The following SIGIRR variants were observed in gnomAD, a reference collection of about 807,000 sequenced individuals.
SIGIRR encodes the protein single Ig IL-1-related receptor.
SIGIRR carries 41 observed loss-of-function variants against 45.6 expected under a neutral mutation model. The ratio of observed to expected loss-of-function variants is 0.90; its 90% CI spans 0.70 to 1.17. The LOEUF is 1.17. Among genes scored for constraint, SIGIRR ranks in the 50% most tolerant of loss-of-function variants. The probability of loss-of-function intolerance (pLI) is 0.00; values close to 1 mark genes in which losing one functional copy is unlikely to be tolerated. For missense variants in SIGIRR, 599 were observed against 539.6 expected, an observed-to-expected ratio of 1.11 and a Z score of -1.09; for synonymous variants, 298 against 239.0, an observed-to-expected ratio of 1.25 and a Z score of -2.28.
chr11:410,372 A>G (rs1044479571), intron 1 of SIGIRR, among the ~76,000 whole-genome samples: 3 of 152,054 alleles, frequency 2.0e-5, no homozygotes, highest in Non-Finnish European at 2.9e-5. Context: ...GTCCCCTTCA[A>G]CAGAGCTGCC....
chr11:410,845 C>T (rs1373235292), intron 1 of SIGIRR, among the ~76,000 whole-genome samples: 10 of 32,380 alleles, frequency 3.1e-4, no homozygotes, highest in Non-Finnish European at 5.4e-4. Context: ...CCAGCTCTGA[C>T]CATGTCTGGA....
At chr11:410,711 G>A (rs184508772) in intron 1 of SIGIRR, among the ~76,000 whole-genome samples, 18 of 107,226 alleles carry the variant, frequency 1.7e-4, no homozygotes, top group African/African-American at 6.8e-4. Flanking sequence ...CAGGGAGGGG[G>A]TTGCCCAGCT....
upstream of SIGIRR, among the ~76,000 whole-genome samples, chr11:415,263 G>A (rs1236194130): frequency 2.1e-5 from 3 of 145,200 alleles, no homozygotes; most frequent in East Asian, 2.2e-4. The surrounding 1 kb of genome is among the most constrained non-coding windows in gnomAD (Gnocchi z 6.6). Context: ...GTGTGTCTGC[G>A]TGTGTGCAAT....
chr11:406,303 C>G (rs778296207), intron 9 of SIGIRR, 46 bp downstream of exon 9: 11 of 1,598,682 alleles, frequency 6.9e-6, no homozygotes, highest in Non-Finnish European at 9.4e-6. Context: ...CCACTCCGCC[C>G]TGTGCTGAGC....
intron 1 of SIGIRR, among the ~76,000 whole-genome samples, chr11:412,761 A>G (rs1847723549): frequency 6.6e-6 from 1 of 150,960 alleles, no homozygotes; most frequent in African/African-American, 2.4e-5. Context: ...ACGTCTGGTT[A>G]CAGTCAGGAG....
upstream of SIGIRR, among the ~76,000 whole-genome samples, chr11:415,241 TGTGTGTGTGC>T (rs1365418282): frequency 1.7e-4 from 12 of 70,632 alleles, no homozygotes; most frequent in African/African-American, 6.3e-4. This position sits in a 1 kb window ranked among gnomAD's most constrained non-coding sequence, Gnocchi z 6.6. Context: ...TGTGTGTGTG[TGTGTGTGTGC>T]AGTGTGTCTG....
rs73400585 is a variant in SIGIRR at position 408,191 on chromosome 11, C to A, written c.222G>T (p.Leu74=). The change falls in exon 4 of 10, where the codon CTG becomes CTT. Residue 74 remains leucine (L), a synonymous_variant. Coordinates refer to ENST00000431843, the MANE Select transcript of SIGIRR (RefSeq NM_001135054.2). ...GGACACTGGACACAAGCACCTCTGACAGGTTGGCCTTGACCCTGGGGATAC... is the reference window on the plus strand; with the variant it reads ...GGACACTGGACACAAGCACCTCTGAAAGGTTGGCCTTGACCCTGGGGATAC... ...LHEYSWVKAN[L]SEVLVSSVLG... 17 of 1,612,624 alleles carry A rather than the reference C, an allele frequency of 1.1e-5. No homozygotes were observed. The highest frequency in any genetic ancestry group is 1.4e-5 in the Non-Finnish European group (17 of 1,179,934).
chr11:407,997 C>T, intron 4 of SIGIRR, 40 bp from the exon 5 acceptor site: 1 of 1,603,028 alleles, frequency 6.2e-7, no homozygotes. Context: ...CTCCAGCAGC[C>T]CCCAAGCCTC....
chr11:407,121 G>GCTCCTT lies in SIGIRR; in HGVS notation c.668_669insAAGGAG (p.Arg223_Leu224insArgSer). ...AGGCGTCCGAAAGCACCACGATGAG[G>GCTCCTT]CGTCGGCAGCGGCTCAGGTTCACCA... On this transcript the variant is annotated inframe_insertion, in exon 7 of 10. Transcript: ENST00000431843. The GCTCCTT allele has an allele frequency of 3.3e-6, 5 of 1,529,666 alleles. No individual in the cohort carries two copies. The highest frequency in any genetic ancestry group is 2.6e-5 in the East Asian group (1 of 38,204). The allele number at this position is 1,529,666 out of a possible 1,614,324, so 94.8% of individuals were successfully genotyped here.
chr11:406,915 C>T lies in SIGIRR; in HGVS notation c.807G>A (p.Ala269=). 2 of 1,594,076 alleles carry T rather than the reference C, an allele frequency of 1.3e-6. No individual in the cohort carries two copies. Among genetic ancestry groups the T allele is most frequent in the African/African-American group, 1.3e-5 (1 of 74,800 alleles). ...GGCGCAGCAGGCGGAGCGCCGGGTG[C>T]GCGGGGTCGCGCCTCTGGCCCTCGA... ...ITFEGQRRDP[A]HPALRLLRQH... is the part of the protein sequence containing the mutation. The change falls in exon 8 of 10, where the codon GCG becomes GCA. Residue 269 remains alanine, a synonymous_variant. Transcript: ENST00000431843.
rs1272141700 is a variant in SIGIRR, at chr11:406,010, A to G, written c.1119T>C (p.Ser373=). 1.2e-6 allele frequency: 2 copies of G among 1,609,882 alleles called. No individual in the cohort carries two copies. The change falls in exon 10 of 10, where the codon AGT becomes AGC. Residue 373 remains serine (S), a synonymous_variant. Transcript: ENST00000431843. ...TCCGGCTCTCTCCCAGCGAGACCCC[A>G]CTGGTGTGCGGTGGAGCTGATGGCT... The part of the protein sequence containing the change: ...FGEPSAPPHT[S]GVSLGESRSS...
At chr11:408,289 G>A (rs928208723) in intron 3 of SIGIRR, 83 bp from the exon 4 acceptor site, 2 of 1,537,096 alleles carry the variant, frequency 1.3e-6, no homozygotes, top group African/African-American at 2.8e-5. Context: ...TTCACCCAGG[G>A]AGGCTGCAGA....
At position 406,359 on chromosome 11, in the gene SIGIRR, C is replaced by T; in HGVS notation, c.1059G>A (p.Glu353=). Residue 353 remains glutamate, a synonymous_variant, in exon 9 of 10, where the codon GAG becomes GAA. Coordinates refer to ENST00000431843, the MANE Select transcript of SIGIRR (RefSeq NM_001135054.2). The part of the protein sequence containing the change: ...ALDSEVDPDP[E]GDLGVRGPVF... ...GCTGGGCGGGCATACCCAGGTCGCC[C>T]TCAGGGTCCGGGTCCACCTCTGAGT... is the stretch of plus-strand genomic sequence containing the variant. The T allele has an allele frequency of 6.2e-7, 1 of 1,612,410 alleles. No homozygotes were observed. Among genetic ancestry groups the T allele is most frequent in the Non-Finnish European group, 8.5e-7 (1 of 1,179,718 alleles).
chr11:415,267 G>A (rs1048148948), upstream of SIGIRR, among the ~76,000 whole-genome samples: 1 of 150,170 alleles, frequency 6.7e-6, no homozygotes, highest in Non-Finnish European at 1.5e-5. This position sits in a 1 kb window ranked among gnomAD's most constrained non-coding sequence, Gnocchi z 6.6. Context: ...GTCTGCGTGT[G>A]TGCAATGTGT....
At chr11:416,722 G>C (rs1484180555), upstream of SIGIRR, among the ~76,000 whole-genome samples, 1 of 152,078 alleles carries the variant, frequency 6.6e-6, no homozygotes, top group Non-Finnish European at 1.5e-5. The surrounding 1 kb of genome is among the most constrained non-coding windows in gnomAD (Gnocchi z 9.1). Flanking sequence ...TGGGTAAAAG[G>C]CTGCGGCCCC....
rs1270505881 is a variant in SIGIRR, at chr11:406,134, C to T, written c.1070-75G>A. 16 of 1,539,300 alleles carry T rather than the reference C, an allele frequency of 1.0e-5. 1 individual carries two copies. The highest frequency in any genetic ancestry group is 3.6e-5 in the South Asian group (3 of 84,212). On this transcript the variant is annotated intron_variant, in intron 9 of 9. Coordinates refer to ENST00000431843, the MANE Select transcript of SIGIRR (RefSeq NM_001135054.2). ...CCAGACCCACTGCCAGGGGCTGCCC[C>T]TGCTCACCCCCTGCTGTGATGGCCT...
intron 5 of SIGIRR, 34 bp from the exon 6 acceptor site, chr11:407,602 C>T (rs1007169141): frequency 6.3e-7 from 1 of 1,597,602 alleles, no homozygotes; most frequent in Admixed American, 1.7e-5. Context: ...CGATGGCTCC[C>T]GAGGCCTCAC....
chr11:409,773 C>T, intron 2 of SIGIRR, 95 bp downstream of exon 2: 3 of 1,302,070 alleles, frequency 2.3e-6, no homozygotes, highest in Non-Finnish European at 1.0e-6. Context: ...AGGCAGAGTG[C>T]CTGGGATAAG....
In SIGIRR at chr11:406,476, C is replaced by A; in HGVS notation, c.942G>T (p.Arg314Ser). 1 of 1,612,410 alleles carries A rather than the reference C, an allele frequency of 6.2e-7. No individual in the cohort carries two copies. The highest frequency in any genetic ancestry group is 8.5e-7 in the Non-Finnish European group (1 of 1,179,770). Reference sequence around the variant, plus strand: ...GCGTCTGGGGGTCTCCTTCCACAGGCCTGTACTGCACCTTCCGCGGCAGCG... The same window carrying A: ...GCGTCTGGGGGTCTCCTTCCACAGGACTGTACTGCACCTTCCGCGGCAGCG... ...QLALPRKVQY[R>S]PVEGDPQTQL... Residue 314 changes from arginine (R) to serine (S), a missense_variant, in exon 9 of 10, where the codon AGG (arginine) becomes AGT (serine). By Grantham distance (110) the Arg-to-Ser change is moderately radical. Coordinates refer to ENST00000431843, the MANE Select transcript of SIGIRR (RefSeq NM_001135054.2).
Sources: allele counts gnomAD v4.1 joint callset (sites outside exome capture counted in the v4.1 genomes callset), GRCh38; gene constraint gnomAD v4.1.1; non-coding constraint Gnocchi (gnomAD v3.1); transcripts MANE v1.5; gene names NCBI Gene and HGNC (gene_info 2026-07-23, HGNC 2026-07-21).